Variants in IFT74 observed in about 807,000 individuals in gnomAD.
IFT74 encodes intraflagellar transport protein 74 homolog.
A neutral mutation model predicts 96.7 loss-of-function variants in IFT74; 92 were observed. The observed-to-expected ratio is 0.95, with a 90% CI of 0.80 to 1.13. The LOEUF is 1.13. Ranked by LOEUF, IFT74 falls within the 50% of genes most tolerant of loss-of-function variation. The probability of loss-of-function intolerance (pLI) is 0.00; values close to 1 mark genes in which losing one functional copy is unlikely to be tolerated. For synonymous variants in IFT74, 223 were observed against 213.2 expected, an observed-to-expected ratio of 1.05 and a Z score of -0.40; for missense variants, 811 against 698.2, an observed-to-expected ratio of 1.16 and a Z score of -1.82.
chr9:26,997,482 C>T (rs1828227186), intron 8 of IFT74, among the ~76,000 whole-genome samples: 2 of 151,896 alleles, frequency 1.3e-5, no homozygotes, highest in Admixed American at 6.6e-5. Context: ...TACAGGCATG[C>T]GCCACCATAC....
intron 8 of IFT74, among the ~76,000 whole-genome samples, chr9:26,996,810 G>A (rs1042697625): frequency 6.6e-6 from 1 of 152,044 alleles, no homozygotes; most frequent in South Asian, 2.1e-4. Context: ...GTTAAAATAC[G>A]TCACTTGTTT....
chr9:27,058,015 A>T (rs1305210194), intron 18 of IFT74, among the ~76,000 whole-genome samples: 1 of 152,086 alleles, frequency 6.6e-6, no homozygotes, highest in Non-Finnish European at 1.5e-5. Flanking sequence ...GCAATCATAC[A>T]TCCATATTGT....
intron 6 of IFT74, among the ~76,000 whole-genome samples, chr9:26,985,845 A>G (rs1827608568): frequency 6.6e-6 from 1 of 152,228 alleles, no homozygotes; most frequent in African/African-American, 2.4e-5. Flanking sequence ...AAATTTAATT[A>G]TTAAACATAC....
intron 1 of IFT74, among the ~76,000 whole-genome samples, chr9:26,958,690 T>C (rs865904475): frequency 6.6e-6 from 1 of 152,184 alleles, no homozygotes; most frequent in African/African-American, 2.4e-5. Context: ...TATGTTTATT[T>C]TGAAATATTT....
At chr9:26,948,448 AT>A (rs71841244) in intron 1 of IFT74, among the ~76,000 whole-genome samples, 12 of 59,166 alleles carry the variant, frequency 2.0e-4, no homozygotes, top group Admixed American at 5.9e-4. Flanking sequence ...GCTTTCCATT[AT>A]TTTTTTTTTT....
rs73436010 is a variant in IFT74, at chr9:26,978,305, T to G, written c.256+42T>G. ...AAGTATGACACTTGGGCCTGTGTTT[T>G]GTAAGAAATAAATAACTGTGAACAA... On this transcript the variant is annotated intron_variant, in intron 3 of 19. Transcript: ENST00000380062. 1.0e-3 allele frequency: 1,621 copies of G among 1,589,450 alleles called. 15 individuals carry two copies. The African/African-American group carries it at 0.02, about 19-fold the overall frequency.
At chr9:27,054,989 A>G (rs971280164) in intron 16 of IFT74, among the ~76,000 whole-genome samples, 2 of 152,320 alleles carry the variant, frequency 1.3e-5, no homozygotes, top group African/African-American at 2.4e-5. Context: ...TGTGAGTTCA[A>G]TGTTAGTGAA....
At chr9:26,990,547 GAC>G (rs1327441838) in intron 8 of IFT74, among the ~76,000 whole-genome samples, 2 of 152,094 alleles carry the variant, frequency 1.3e-5, no homozygotes, top group Non-Finnish European at 2.9e-5. Flanking sequence ...TCTAGTGAAA[GAC>G]ACATTATTCA....
intron 3 of IFT74, 134 bp from the exon 4 acceptor site, chr9:26,980,437 A>T: frequency 5.6e-6 from 4 of 708,038 alleles, no homozygotes; most frequent in Non-Finnish European, 1.0e-5. Flanking sequence ...AGTTTCAGTG[A>T]TTCTTCTTGA....
At chr9:26,947,184 G>T (rs1328242559) in intron 1 of IFT74, 1 of 1,018,428 alleles carries the variant, frequency 9.8e-7, no homozygotes, top group Non-Finnish European at 1.4e-6. Flanking sequence ...CCCGAGAGCC[G>T]GTACGGAAGG....
Position 27,065,407 on chromosome 9 carries a change from A to G in IFT74, c.*2671A>G, listed in dbSNP as rs1820576941. Among the ~76,000 whole-genome samples, 1 of 152,166 alleles carries G rather than the reference A, an allele frequency of 6.6e-6. No homozygotes were observed. The highest frequency in any genetic ancestry group is 6.5e-5 in the Admixed American group (1 of 15,274). ...AGGGGGTTCCATTCATGCTAAAATA[A>G]CACCTTGTAAGTCACATGGAAAGAA... On this transcript the variant is annotated 3_prime_UTR_variant, in exon 20 of 20. Transcript: ENST00000380062.
At chr9:26,985,272 A>G (rs948243592) in intron 6 of IFT74, among the ~76,000 whole-genome samples, 1 of 152,152 alleles carries the variant, frequency 6.6e-6, no homozygotes, top group Non-Finnish European at 1.5e-5. Flanking sequence ...GATGGGAACA[A>G]CAGATAATGG....
intron 13 of IFT74, among the ~76,000 whole-genome samples, chr9:27,031,310 AC>A (rs1282077207): frequency 6.6e-6 from 1 of 152,018 alleles, no homozygotes; most frequent in Non-Finnish European, 1.5e-5. Context: ...ACTAAAAAAT[AC>A]AAAAAATTAG....
chr9:27,031,609 T>G (rs1563988899), intron 13 of IFT74, among the ~76,000 whole-genome samples: 1 of 150,348 alleles, frequency 6.7e-6, no homozygotes, highest in African/African-American at 2.4e-5. Flanking sequence ...TTTTTTTTTT[T>G]TTTTTAATGA....
At chr9:26,960,188 A>G (rs1044958742) in intron 1 of IFT74, among the ~76,000 whole-genome samples, 3 of 150,688 alleles carry the variant, frequency 2.0e-5, no homozygotes, top group Admixed American at 6.6e-5. Context: ...TCTGACACAC[A>G]CTCCTGGTTT....
At chr9:26,996,378 A>G (rs1828157159) in intron 8 of IFT74, 20 of 1,609,778 alleles carry the variant, frequency 1.2e-5, no homozygotes, top group Non-Finnish European at 1.6e-5. Context: ...GAAAATGAAT[A>G]TAAAGATCTT....
intron 13 of IFT74, among the ~76,000 whole-genome samples, chr9:27,039,352 C>A (rs376273163): frequency 1.3e-5 from 2 of 152,004 alleles, no homozygotes; most frequent in South Asian, 2.1e-4. Flanking sequence ...AGTTTTGATG[C>A]GTCTTAATGT....
At chr9:27,039,365 T>C (rs1257011769) in intron 13 of IFT74, among the ~76,000 whole-genome samples, 1 of 152,114 alleles carries the variant, frequency 6.6e-6, no homozygotes, top group Non-Finnish European at 1.5e-5. Context: ...CTTAATGTAC[T>C]CTTTCAGGTC....
intron 8 of IFT74, among the ~76,000 whole-genome samples, chr9:27,007,314 A>T (rs1471489512): frequency 1.3e-5 from 2 of 152,254 alleles, no homozygotes; most frequent in Non-Finnish European, 2.9e-5. Flanking sequence ...TTATAACATT[A>T]GTTCTCATCT....
Sources: allele counts gnomAD v4.1 joint callset (sites outside exome capture counted in the v4.1 genomes callset), GRCh38; gene constraint gnomAD v4.1.1; transcripts MANE v1.5; gene names NCBI Gene and HGNC (gene_info 2026-07-23, HGNC 2026-07-21).